DDX19B: variants seen among roughly 807,000 people sequenced by gnomAD.
The protein encoded by DDX19B is ATP-dependent RNA helicase DDX19B.
Under a neutral mutation model 58.1 loss-of-function variants are expected in DDX19B, and 27 were observed. That is an observed-to-expected ratio of 0.46 (90% CI 0.34 to 0.64). The LOEUF (loss-of-function observed/expected upper bound fraction) is 0.64. Ranked by LOEUF, DDX19B falls within the 30% of genes least tolerant of loss-of-function variation. DDX19B has a pLI of 0.01. For missense variants in DDX19B, 399 were observed against 596.5 expected (o/e 0.67, Z 3.45); for synonymous variants, 187 against 214.4 (o/e 0.87, Z 1.12).
In DDX19B at chr16:70,310,122, C is replaced by T. The variant is rs186697271; in HGVS notation, c.58-2487C>T. ...GGCAGGCTGGGCGCAGTGGCTCATG[C>T]CTGTAATCCCAGCACTTTAGGAGGC... On this transcript the variant is annotated intron_variant, in intron 1 of 11. Coordinates refer to ENST00000288071, the MANE Select transcript of DDX19B (RefSeq NM_007242.7). 1.3e-3 allele frequency among the ~76,000 whole-genome samples: 204 copies of T among 152,186 alleles called. 5 individuals carry two copies. Among genetic ancestry groups the T allele is most frequent in the African/African-American group, 4.5e-3 (186 of 41,538 alleles).
intron 1 of DDX19B, among the ~76,000 whole-genome samples, chr16:70,312,137 G>A (rs1018744614): frequency 2.6e-5 from 4 of 152,136 alleles, no homozygotes; most frequent in African/African-American, 9.7e-5. Context: ...ACCGCACCTG[G>A]CTTTACAGAT....
chr16:70,324,174 C>T (rs1963008264), intron 5 of DDX19B, among the ~76,000 whole-genome samples: 1 of 151,744 alleles, frequency 6.6e-6, no homozygotes, highest in Admixed American at 6.6e-5. Context: ...GGTCTTTGGG[C>T]AGAGAAGTAA....
chr16:70,324,385 AAAAG>A lies in DDX19B; in HGVS notation c.390-197_390-194del, dbSNP rs1392164648. ...CTCAAAAAAAAAAAAAAAAAAAAAA[AAAAG>A]AAGAAGATGTGGAGTGCTTCAAATC... On this transcript the variant is annotated intron_variant, in intron 5 of 11. Coordinates refer to ENST00000288071, the MANE Select transcript of DDX19B (RefSeq NM_007242.7). Among the ~76,000 whole-genome samples the A allele has an allele frequency of 4.7e-4, 64 of 136,320 alleles. 2 individuals are homozygous for A. Among genetic ancestry groups the A allele is most frequent in the African/African-American group, 2.0e-3 (55 of 27,222 alleles). 89.4% of individuals were successfully genotyped at this position (136,320 alleles called of 152,430 possible).
At chr16:70,324,209 A>G (rs1451253659) in intron 5 of DDX19B, among the ~76,000 whole-genome samples, 1 of 151,882 alleles carries the variant, frequency 6.6e-6, no homozygotes, top group Non-Finnish European at 1.5e-5. Context: ...CATTTTAAGA[A>G]TCAGTAGGCC....
intron 2 of DDX19B, 87 bp from the exon 3 acceptor site, chr16:70,314,815 A>C: frequency 2.7e-6 from 4 of 1,489,256 alleles, no homozygotes; most frequent in Non-Finnish European, 3.7e-6. Flanking sequence ...GCCTTTACAA[A>C]AACTTCTAGT....
upstream of DDX19B, among the ~76,000 whole-genome samples, chr16:70,297,680 C>A (rs1961279082): frequency 1.3e-5 from 2 of 152,094 alleles, no homozygotes; most frequent in Non-Finnish European, 1.5e-5. Context: ...TTCATTTAAT[C>A]CTTATTTTAC....
chr16:70,309,151 T>A (rs560431542), intron 1 of DDX19B, among the ~76,000 whole-genome samples: 2 of 152,212 alleles, frequency 1.3e-5, no homozygotes, highest in East Asian at 3.9e-4. Context: ...TTTTCCTCTT[T>A]CCCAACACCA....
At chr16:70,318,910 C>G (rs1195534289) in intron 5 of DDX19B, among the ~76,000 whole-genome samples, 1 of 151,906 alleles carries the variant, frequency 6.6e-6, no homozygotes, top group Non-Finnish European at 1.5e-5. Context: ...CGAGACCATC[C>G]TGGCTAACAC....
upstream of DDX19B, among the ~76,000 whole-genome samples, chr16:70,293,881 G>T (rs913101847): frequency 6.6e-6 from 1 of 151,256 alleles, no homozygotes; most frequent in Non-Finnish European, 1.5e-5. Context: ...AAAGTGCTGG[G>T]ATTACAGGCG....
intron 5 of DDX19B, among the ~76,000 whole-genome samples, chr16:70,324,046 GGA>G (rs1347788117): frequency 6.6e-6 from 1 of 152,056 alleles, no homozygotes. Flanking sequence ...ACGAAGTAAG[GGA>G]GAGAGAGTAG....
intron 5 of DDX19B, among the ~76,000 whole-genome samples, chr16:70,322,539 A>T (rs1962894704): frequency 7.0e-6 from 1 of 143,244 alleles, no homozygotes; most frequent in African/African-American, 2.6e-5. Context: ...CAGTGAACTG[A>T]GATTGTGCCA....
At chr16:70,306,446 C>T (rs1266101404) in intron 1 of DDX19B, among the ~76,000 whole-genome samples, 1 of 152,154 alleles carries the variant, frequency 6.6e-6, no homozygotes, top group African/African-American at 2.4e-5. Flanking sequence ...CCACTGCACC[C>T]GGCCATTCAG....
Position 70,333,759 on chromosome 16 carries a change from T to A in DDX19B, c.*177T>A. The A allele has an allele frequency of 1.1e-6, 1 of 912,184 alleles. No homozygotes were observed. The highest frequency in any genetic ancestry group is 1.7e-6 in the Non-Finnish European group (1 of 590,446). 56.5% of individuals were successfully genotyped at this position (912,184 alleles called of 1,614,324 possible). On this transcript the variant is annotated 3_prime_UTR_variant, in exon 12 of 12. Coordinates refer to ENST00000288071, the MANE Select transcript of DDX19B (RefSeq NM_007242.7). ...AAAAATGTATGCAAATGATGGGGGA[T>A]GGTAGAAAAAAATTATTTACACAAC...
intron 10 of DDX19B, 22 bp from the exon 11 acceptor site, chr16:70,332,946 C>T: frequency 1.2e-6 from 2 of 1,613,992 alleles, no homozygotes; most frequent in Non-Finnish European, 1.7e-6. Flanking sequence ...GTCCTCTCAG[C>T]CTCCAACTCT....
chr16:70,318,245 G>A (rs2152201964), intron 5 of DDX19B, among the ~76,000 whole-genome samples: 1 of 151,738 alleles, frequency 6.6e-6, no homozygotes, highest in South Asian at 2.1e-4. Flanking sequence ...GTCATGGTGT[G>A]CTCCTGTAGT....
rs1963407012 is a variant in DDX19B, at chr16:70,330,148, C to A, written c.1023+80C>A. 7.8e-6 allele frequency: 12 copies of A among 1,530,978 alleles called. No individual in the cohort carries two copies. The East Asian group carries it at 2.7e-4, about 35-fold the overall frequency. The allele number at this position is 1,530,978 out of a possible 1,614,324, so 94.8% of individuals were successfully genotyped here. On this transcript the variant is annotated intron_variant, in intron 9 of 11. Transcript: ENST00000288071. Reference sequence around the variant, plus strand: ...CAGGGCTCAGGAGGACTGGATGCCCCTGGGTGCCATGGGAAGAAACGAAGT... The same window carrying A: ...CAGGGCTCAGGAGGACTGGATGCCCATGGGTGCCATGGGAAGAAACGAAGT...
chr16:70,310,924 C>G (rs936543230), intron 1 of DDX19B, among the ~76,000 whole-genome samples: 16 of 149,542 alleles, frequency 1.1e-4, no homozygotes, highest in African/African-American at 3.9e-4. Context: ...CCAGCTACTC[C>G]GGAGGCTGAG....
chr16:70,321,360 G>A (rs922344119), intron 5 of DDX19B, among the ~76,000 whole-genome samples: 2 of 152,068 alleles, frequency 1.3e-5, no homozygotes, highest in African/African-American at 4.8e-5. Flanking sequence ...GCTCAAGCAC[G>A]CTTCCCACCT....
intron 1 of DDX19B, among the ~76,000 whole-genome samples, chr16:70,311,173 A>G (rs1962074000): frequency 2.6e-5 from 4 of 151,904 alleles, no homozygotes; most frequent in Admixed American, 2.6e-4. Context: ...GGAGATCAAG[A>G]CCATCCTGGC....
Sources: allele counts gnomAD v4.1 joint callset (sites outside exome capture counted in the v4.1 genomes callset), GRCh38; gene constraint gnomAD v4.1.1; transcripts MANE v1.5; gene names NCBI Gene and HGNC (gene_info 2026-07-23, HGNC 2026-07-21).